ADCY2: variants seen among roughly 807,000 people sequenced by gnomAD.
The protein encoded by ADCY2 is adenylate cyclase 2.
ADCY2 carries 31 observed loss-of-function variants against 125.2 expected under a neutral mutation model. That is an observed-to-expected ratio of 0.25 (90% CI 0.19 to 0.33). The LOEUF (loss-of-function observed/expected upper bound fraction) is 0.33. Ranked by LOEUF, ADCY2 falls within the 10% of genes least tolerant of loss-of-function variation. The probability of loss-of-function intolerance (pLI) is 1.00; values close to 1 mark genes in which losing one functional copy is unlikely to be tolerated. For missense variants in ADCY2, 904 were observed against 1,418.2 expected (o/e 0.64, Z 5.82); for synonymous variants, 512 against 548.4 (o/e 0.93, Z 0.93).
At chr5:7,826,622 A>G in intron 24 of ADCY2, 97 bp from the exon 25 acceptor site, 1 of 1,525,924 alleles carries the variant, frequency 6.6e-7, no homozygotes, top group Non-Finnish European at 9.1e-7. Flanking sequence ...CCTGGGTCAA[A>G]GAGCATGGTG....
intron 2 of ADCY2, among the ~76,000 whole-genome samples, chr5:7,481,617 T>C (rs986151785): frequency 2.0e-5 from 3 of 152,178 alleles, no homozygotes; most frequent in African/African-American, 4.8e-5. Flanking sequence ...CATCTTCTTT[T>C]GAGAAATTAT....
chr5:7,765,621 G>A (rs1305535319), intron 16 of ADCY2, among the ~76,000 whole-genome samples: 1 of 152,050 alleles, frequency 6.6e-6, no homozygotes, highest in African/African-American at 2.4e-5. Context: ...AAATAAATTA[G>A]TTTAGGTATT....
intron 11 of ADCY2, among the ~76,000 whole-genome samples, chr5:7,716,267 G>A (rs1311967740): frequency 2.0e-5 from 3 of 152,066 alleles, no homozygotes; most frequent in East Asian, 3.9e-4. Context: ...ATTAAGCTTT[G>A]GTATACCTGA....
At chr5:7,617,111 T>A (rs1222176302) in intron 3 of ADCY2, among the ~76,000 whole-genome samples, 1 of 152,166 alleles carries the variant, frequency 6.6e-6, no homozygotes, top group African/African-American at 2.4e-5. Flanking sequence ...TTAATCCCTT[T>A]TTTTCCCATT....
intron 3 of ADCY2, among the ~76,000 whole-genome samples, chr5:7,564,975 A>G (rs60852487): frequency 0.015 from 2,239 of 152,354 alleles, 48 homozygotes; most frequent in African/African-American, 0.051. Context: ...TCTAAGGTTT[A>G]TGCAAATTGC....
chr5:7,592,436 G>A (rs953521870), intron 3 of ADCY2, among the ~76,000 whole-genome samples: 1 of 152,006 alleles, frequency 6.6e-6, no homozygotes, highest in Non-Finnish European at 1.5e-5. Flanking sequence ...AATATAATTC[G>A]ATTGAAAGAA....
rs1554030659 is a variant in ADCY2 at position 7,673,269 on chromosome 5, A to AAATATATATATAT, written c.721-17421_721-17420insATATATATATATA. Among the ~76,000 whole-genome samples, 7 of 3,934 alleles carry AAATATATATATAT rather than the reference A, an allele frequency of 1.8e-3. 2 individuals carry two copies. The Admixed American group carries it at 0.018, about 10-fold the overall frequency. The allele number at this position is 3,934 out of a possible 152,430, so 2.6% of individuals were successfully genotyped here. On this transcript the variant is annotated intron_variant, in intron 4 of 24. Coordinates refer to ENST00000338316, the MANE Select transcript of ADCY2 (RefSeq NM_020546.3). ...AAAAAAAAAAAAAAAAAAAAAAAAA[A>AAATATATATATAT]ATATATATATATATATAAAATTAGC...
intron 14 of ADCY2, among the ~76,000 whole-genome samples, chr5:7,730,275 A>G (rs1742060980): frequency 6.6e-6 from 1 of 152,162 alleles, no homozygotes; most frequent in Non-Finnish European, 1.5e-5. Flanking sequence ...TCATTTATCC[A>G]TTCATTGGTT....
At chr5:7,559,538 T>C (rs1435642879) in intron 3 of ADCY2, among the ~76,000 whole-genome samples, 1 of 152,230 alleles carries the variant, frequency 6.6e-6, no homozygotes, top group Non-Finnish European at 1.5e-5. Flanking sequence ...ATCCTGAGAC[T>C]TTGCTGAAGT....
intron 4 of ADCY2, among the ~76,000 whole-genome samples, chr5:7,630,802 T>G (rs1297487093): frequency 6.6e-6 from 1 of 150,846 alleles, no homozygotes; most frequent in African/African-American, 2.4e-5. Flanking sequence ...TTTTTTTTTT[T>G]TTGAGATGCA....
intron 2 of ADCY2, among the ~76,000 whole-genome samples, chr5:7,491,107 C>G (rs1340616407): frequency 6.6e-6 from 1 of 152,002 alleles, no homozygotes; most frequent in Non-Finnish European, 1.5e-5. Context: ...AGGGGAATGC[C>G]TTACTATAAT....
chr5:7,699,080 C>CTTTTTT (rs1740989782), intron 7 of ADCY2, among the ~76,000 whole-genome samples: 2 of 36,554 alleles, frequency 5.5e-5, no homozygotes, highest in East Asian at 8.9e-3. Flanking sequence ...CAACAGTAAG[C>CTTTTTT]ATTTTTTTTT....
chr5:7,749,887 T>C (rs879766455), intron 15 of ADCY2: 4 of 152,314 alleles, frequency 2.6e-5, no homozygotes, highest in Admixed American at 2.0e-4. Flanking sequence ...CACAGCAGTG[T>C]TTTTCCCTTG....
At chr5:7,735,835 G>A (rs939177453) in intron 14 of ADCY2, among the ~76,000 whole-genome samples, 7 of 152,174 alleles carry the variant, frequency 4.6e-5, no homozygotes, top group Admixed American at 2.0e-4. Flanking sequence ...GCTTCAGAAC[G>A]AGTTAAGAAC....
At chr5:7,565,459 A>G (rs1398058696) in intron 3 of ADCY2, among the ~76,000 whole-genome samples, 1 of 152,200 alleles carries the variant, frequency 6.6e-6, no homozygotes, top group Non-Finnish European at 1.5e-5. Context: ...TTTAATATCA[A>G]TAGGGAAGAA....
At chr5:7,690,444 C>T (rs1561168898) in intron 4 of ADCY2, 2 of 309,836 alleles carry the variant, frequency 6.5e-6, no homozygotes, top group Non-Finnish European at 1.2e-5. Context: ...AACTTTGCAT[C>T]CCTTTATTCT....
At chr5:7,414,099 G>A (rs2126329575) in intron 1 of ADCY2, among the ~76,000 whole-genome samples, 1 of 152,166 alleles carries the variant, frequency 6.6e-6, no homozygotes, top group South Asian at 2.1e-4. Flanking sequence ...AACATTAATT[G>A]CCATGCATTA....
At chr5:7,703,907 C>T (rs889470559) in intron 7 of ADCY2, among the ~76,000 whole-genome samples, 1 of 151,020 alleles carries the variant, frequency 6.6e-6, no homozygotes, top group Admixed American at 6.6e-5. Flanking sequence ...GAGGCTGAGG[C>T]AGGAGAATCA....
Position 7,525,552 on chromosome 5 carries a change from CTTTT to C in ADCY2, c.570+4659_570+4662del, listed in dbSNP as rs574452130. 2.0e-5 allele frequency among the ~76,000 whole-genome samples: 3 copies of C among 150,670 alleles called. No homozygotes were observed. In the South Asian group the frequency reaches 6.3e-4, roughly 32 times the overall value. ...GGGAGCCCTGACTTTTTTTCTTTTT[CTTTT>C]TTTTTAGTGAACAGCATTTAGAGGC... On this transcript the variant is annotated intron_variant, in intron 3 of 24. Coordinates refer to ENST00000338316, the MANE Select transcript of ADCY2 (RefSeq NM_020546.3).
Sources: allele counts gnomAD v4.1 joint callset (sites outside exome capture counted in the v4.1 genomes callset), GRCh38; gene constraint gnomAD v4.1.1; transcripts MANE v1.5; gene names NCBI Gene and HGNC (gene_info 2026-07-23, HGNC 2026-07-21).